Variants in CX3CL1 observed in about 807,000 individuals in gnomAD.
The protein encoded by CX3CL1 is fractalkine.
Under a neutral mutation model 14.1 loss-of-function variants are expected in CX3CL1, and 1 was observed. The ratio of observed to expected loss-of-function variants is 0.07; its 90% CI spans 0.03 to 0.34. The LOEUF (loss-of-function observed/expected upper bound fraction) is 0.34, where lower values mean the gene tolerates loss of function less well. Among genes scored for constraint, CX3CL1 ranks in the 10% least tolerant of loss-of-function variants. CX3CL1 has a pLI of 0.99. For synonymous variants in CX3CL1, 255 were observed against 229.6 expected (o/e 1.11, Z -1.00); for missense variants, 505 against 536.4 (o/e 0.94, Z 0.58).
chr16:57,381,936 C>T, intron 2 of CX3CL1, 94 bp from the exon 3 acceptor site: 1 of 1,364,936 alleles, frequency 7.3e-7, no homozygotes, highest in Non-Finnish European at 9.9e-7. Context: ...CGGGTGTGTT[C>T]ACCTGCAGAG....
intron 1 of CX3CL1, among the ~76,000 whole-genome samples, chr16:57,375,255 G>C (rs1271370991): frequency 6.6e-6 from 1 of 152,192 alleles, no homozygotes; most frequent in East Asian, 1.9e-4. Flanking sequence ...GCTTTGCACA[G>C]TTTGGAGCGG....
At chr16:57,375,179 T>C (rs951351798) in intron 1 of CX3CL1, among the ~76,000 whole-genome samples, 2 of 142,124 alleles carry the variant, frequency 1.4e-5, no homozygotes, top group African/African-American at 5.2e-5. Flanking sequence ...AAAAGAAAAA[T>C]AGAGAGGGGA....
rs375982954 is a variant in CX3CL1, at chr16:57,372,542, C to T, written c.-27C>T. ...TGGCTCTAGCCGCCTGCCTGGCCCC[C>T]GCCGGGACTCTTGCCCACCCTCAGC... On this transcript the variant is annotated 5_prime_UTR_variant, in exon 1 of 3. Transcript: ENST00000006053. The T allele has an allele frequency of 8.6e-5, 138 of 1,607,482 alleles. No individual in the cohort carries two copies. The highest frequency in any genetic ancestry group is 1.1e-4 in the Non-Finnish European group (135 of 1,178,808).
chr16:57,381,646 G>C (rs75344701), intron 2 of CX3CL1, among the ~76,000 whole-genome samples: 2,370 of 152,226 alleles, frequency 0.016, 69 homozygotes, highest in African/African-American at 0.054. Context: ...TCTACTCTGA[G>C]CTGGGTGCTT....
rs187920849 is a variant in CX3CL1 at position 57,382,219 on chromosome 16, G to A, written c.381G>A (p.Leu127=). 7.4e-6 allele frequency: 12 copies of A among 1,612,760 alleles called. No homozygotes were observed. In the African/African-American group the frequency reaches 1.5e-4, roughly 20 times the overall value. The change falls in exon 3 of 3, where the codon CTG becomes CTA. Residue 127 remains leucine (L), a synonymous_variant. Transcript: ENST00000006053. This position sits in a 1 kb window ranked among gnomAD's most constrained non-coding sequence, Gnocchi z 6.9. Reference sequence around the variant, plus strand: ...GGGGAATGGACGAGTCTGTGGTCCTGGAGCCCGAAGCCACAGGCGAAAGCA... The same window carrying A: ...GGGGAATGGACGAGTCTGTGGTCCTAGAGCCCGAAGCCACAGGCGAAAGCA... The part of the protein sequence containing the change: ...AAGGMDESVV[L]EPEATGESSS...
intron 2 of CX3CL1, among the ~76,000 whole-genome samples, chr16:57,380,641 T>C (rs1359308215): frequency 4.3e-5 from 5 of 116,996 alleles, no homozygotes; most frequent in Non-Finnish European, 8.3e-5. Context: ...ACTATCTCCA[T>C]TGGACAGACA....
rs1902371322 is a variant in CX3CL1, at chr16:57,383,794, G to A, written c.*762G>A. ...ACCTGTCCCCCTGACAACACTCATT[G>A]ACCTGAGGCCCTTCTCTCCAGCCCC... On this transcript the variant is annotated 3_prime_UTR_variant, in exon 3 of 3. Transcript: ENST00000006053. 1 of 152,600 alleles carries A rather than the reference G, an allele frequency of 6.6e-6. No homozygotes were observed. Among genetic ancestry groups the A allele is most frequent in the Non-Finnish European group, 1.5e-5 (1 of 68,358 alleles). The allele number at this position is 152,600 out of a possible 1,614,324, so 9.5% of individuals were successfully genotyped here.
chr16:57,375,183 G>T (rs981364347), intron 1 of CX3CL1, among the ~76,000 whole-genome samples: 2 of 151,572 alleles, frequency 1.3e-5, no homozygotes, highest in Non-Finnish European at 2.9e-5. Flanking sequence ...GAAAAATAGA[G>T]AGGGGAGAAG....
chr16:57,382,185 C>T lies in CX3CL1; in HGVS notation c.347C>T (p.Pro116Leu). 6.2e-7 allele frequency: 1 copy of T among 1,613,614 alleles called. No homozygotes were observed. The change falls in exon 3 of 3, where the codon CCT (proline) becomes CTT (leucine). Residue 116 changes from proline to leucine, a missense_variant. By Grantham distance (98) the Pro-to-Leu change is moderately conservative. Transcript: ENST00000006053. This position sits in a 1 kb window ranked among gnomAD's most constrained non-coding sequence, Gnocchi z 6.9. ...QIGEVKPRTT[P>L]AAGGMDESVV... The stretch of plus-strand genomic sequence containing the variant: ...GGCGAGGTGAAGCCCAGGACCACCC[C>T]TGCCGCCGGGGGAATGGACGAGTCT...
In CX3CL1 at chr16:57,376,165, T is replaced by C. The variant is rs143597492; in HGVS notation, c.71-3469T>C. ...ATACTTTGTGTGCCTAATTTACCTG[T>C]CCATCAGGCTGGGAGCCTTCTGAGG... On this transcript the variant is annotated intron_variant, in intron 1 of 2. Transcript: ENST00000006053. Among the ~76,000 whole-genome samples, 43 of 152,372 alleles carry C rather than the reference T, an allele frequency of 2.8e-4. 1 individual carries two copies. In the East Asian group the frequency reaches 8.1e-3, roughly 29 times the overall value.
chr16:57,383,141 G>A lies in CX3CL1; in HGVS notation c.*109G>A. On this transcript the variant is annotated 3_prime_UTR_variant, in exon 3 of 3. Coordinates refer to ENST00000006053, the MANE Select transcript of CX3CL1 (RefSeq NM_002996.6). ...TGGCCTGAGCTGGGATGATTGGAGG[G>A]GGGAGGTGGGATCCTCCAGGTGCAC... 9.5e-7 allele frequency: 1 copy of A among 1,053,446 alleles called. No individual in the cohort carries two copies. 65.3% of individuals were successfully genotyped at this position (1,053,446 alleles called of 1,614,324 possible).
At chr16:57,373,217 G>A (rs188371693) in intron 1 of CX3CL1, among the ~76,000 whole-genome samples, 26 of 152,300 alleles carry the variant, frequency 1.7e-4, no homozygotes, top group South Asian at 4.1e-4. Flanking sequence ...GTGTCTACCC[G>A]TCATGCTGTC....
In CX3CL1 at chr16:57,384,508, C is replaced by T. The variant is rs1361902976; in HGVS notation, c.*1476C>T. 6.6e-6 allele frequency: 1 copy of T among 152,422 alleles called. No homozygotes were observed. Among genetic ancestry groups the T allele is most frequent in the East Asian group, 1.9e-4 (1 of 5,208 alleles). The allele number at this position is 152,422 out of a possible 1,614,324, so 9.4% of individuals were successfully genotyped here. ...GGGTCCCTGGTGGCAGCTCACCTCT[C>T]CCTTGGATTGTCCCCGACCCTTGCC... On this transcript the variant is annotated 3_prime_UTR_variant, in exon 3 of 3. Transcript: ENST00000006053.
chr16:57,377,168 C>T (rs1902258103), intron 1 of CX3CL1: 1 of 152,242 alleles, frequency 6.6e-6, no homozygotes, highest in South Asian at 2.1e-4. Flanking sequence ...TCTTTCCTAT[C>T]CATTGGGCAG....
At chr16:57,374,660 A>G (rs1342983953) in intron 1 of CX3CL1, among the ~76,000 whole-genome samples, 2 of 152,184 alleles carry the variant, frequency 1.3e-5, no homozygotes, top group African/African-American at 4.8e-5. Context: ...CATTCAACAA[A>G]TAGTTATTGG....
Position 57,382,785 on chromosome 16 carries a change from A to C in CX3CL1, c.947A>C (p.His316Pro), listed in dbSNP as rs1478820568. Residue 316 changes from histidine to proline, a missense_variant, in exon 3 of 3, where the codon CAT (histidine) becomes CCT (proline). His to Pro is a moderately conservative substitution (Grantham distance 77, BLOSUM62 -2). Coordinates refer to ENST00000006053, the MANE Select transcript of CX3CL1 (RefSeq NM_002996.6). The surrounding 1 kb of genome is among the most constrained non-coding windows in gnomAD (Gnocchi z 6.9). Reference sequence around the variant, plus strand: ...ACCCCTAAGGCTGAGGAACCCATCCATGCCACCATGGACCCCCAGAGGCTG... The same window carrying C: ...ACCCCTAAGGCTGAGGAACCCATCCCTGCCACCATGGACCCCCAGAGGCTG... ...SWTPKAEEPI[H>P]ATMDPQRLGV... 6.8e-6 allele frequency: 11 copies of C among 1,608,368 alleles called. No individual in the cohort carries two copies. The highest frequency in any genetic ancestry group is 8.5e-6 in the Non-Finnish European group (10 of 1,177,836).
chr16:57,379,201 C>T, intron 1 of CX3CL1: 1 of 178,626 alleles, frequency 5.6e-6, no homozygotes. Context: ...TGGCACATGC[C>T]TGTAATCCCA....
At position 57,382,725 on chromosome 16, in the gene CX3CL1, C is replaced by G; in HGVS notation, c.887C>G (p.Thr296Ser). Residue 296 changes from threonine (T) to serine (S), a missense_variant, in exon 3 of 3, where the codon ACC becomes AGC. Coordinates refer to ENST00000006053, the MANE Select transcript of CX3CL1 (RefSeq NM_002996.6). The surrounding 1 kb of genome is among the most constrained non-coding windows in gnomAD (Gnocchi z 6.9). ...VSVVPVSSEG[T>S]PSREPVASGS... ...GTGGTCCCTGTCTCCTCAGAAGGGA[C>G]CCCCAGCAGGGAGCCAGTGGCTTCA... 6.2e-7 allele frequency: 1 copy of G among 1,612,884 alleles called. No homozygotes were observed. The highest frequency in any genetic ancestry group is 8.5e-7 in the Non-Finnish European group (1 of 1,179,612).
chr16:57,374,464 G>A (rs929787958), intron 1 of CX3CL1, among the ~76,000 whole-genome samples: 3 of 152,052 alleles, frequency 2.0e-5, no homozygotes, highest in Non-Finnish European at 4.4e-5. Context: ...AAAAAAAAAC[G>A]AATCTGTTTT....
Sources: allele counts gnomAD v4.1 joint callset (sites outside exome capture counted in the v4.1 genomes callset), GRCh38; gene constraint gnomAD v4.1.1; non-coding constraint Gnocchi (gnomAD v3.1); transcripts MANE v1.5; gene names NCBI Gene and HGNC (gene_info 2026-07-23, HGNC 2026-07-21).